Variants in SYF2 observed in about 807,000 individuals in gnomAD.
SYF2 encodes pre-mRNA-splicing factor SYF2.
Under a neutral mutation model 32.7 loss-of-function variants are expected in SYF2, and 21 were observed. The ratio of observed to expected loss-of-function variants is 0.64; its 90% CI spans 0.45 to 0.92. The LOEUF (loss-of-function observed/expected upper bound fraction) is 0.92. Ranked by LOEUF, SYF2 falls within the 40% of genes least tolerant of loss-of-function variation. SYF2 has a pLI of 0.00. For missense variants in SYF2, 278 were observed against 296.5 expected (o/e 0.94, Z 0.46); for synonymous variants, 114 against 103.9 (o/e 1.10, Z -0.59).
In SYF2 at chr1:25,223,255, T is replaced by G. The variant is rs200205670; in HGVS notation, c.*11A>C. On this transcript the variant is annotated 3_prime_UTR_variant, in exon 7 of 7. Transcript: ENST00000236273. ...CCATTCTCAAGCTTCTATAAACAGT[T>G]CTTGAAGGGATTAGACAGCTGTTCC... The G allele has an allele frequency of 1.1e-5, 17 of 1,607,532 alleles. No individual in the cohort carries two copies. The African/African-American group carries it at 2.1e-4, about 20-fold the overall frequency.
In SYF2 at chr1:25,222,719, G is replaced by C. The variant is rs546934162; in HGVS notation, c.*547C>G. On this transcript the variant is annotated 3_prime_UTR_variant, in exon 7 of 7. Coordinates refer to ENST00000236273, the MANE Select transcript of SYF2 (RefSeq NM_015484.5). ...CCAAGCATTTATTGCTTTTTAAAAA[G>C]GGAACTGTACATGATCAGATCATGG... The C allele has an allele frequency of 1.1e-4, 17 of 152,258 alleles. No homozygotes were observed. The highest frequency in any genetic ancestry group is 1.1e-3 in the Admixed American group (17 of 15,284). 9.4% of individuals were successfully genotyped at this position (152,258 alleles called of 1,614,324 possible). A position where few individuals can be genotyped will look rare whatever the true frequency, so the allele number is the denominator to read the frequency against.
At position 25,229,034 on chromosome 1, in the gene SYF2, A is replaced by G; in HGVS notation, c.222T>C (p.Arg74=). The change falls in exon 3 of 7, where the codon CGT becomes CGC. Residue 74 remains arginine, a synonymous_variant. Transcript: ENST00000236273. ...CCTCTTCCTTTAGTTCCCACTCCAA[A>G]CGAGCTTTTTTGGCTTCCCAATTTG... The part of the protein sequence containing the change: ...LPANWEAKKA[R]LEWELKEEEK... 1 of 1,613,954 alleles carries G rather than the reference A, an allele frequency of 6.2e-7. No individual in the cohort carries two copies. Among genetic ancestry groups the G allele is most frequent in the Non-Finnish European group, 8.5e-7 (1 of 1,179,984 alleles).
chr1:25,229,224 C>T, intron 2 of SYF2, 101 bp from the exon 3 acceptor site: 1 of 1,385,062 alleles, frequency 7.2e-7, no homozygotes, highest in South Asian at 1.4e-5. Flanking sequence ...TATTAATAAG[C>T]TGACCCCATT....
chr1:25,231,351 A>G (rs752140336), intron 2 of SYF2: 6 of 152,234 alleles, frequency 3.9e-5, no homozygotes, highest in Non-Finnish European at 8.8e-5. Flanking sequence ...TCTCTGCTCC[A>G]ACTGCAGCAA....
Position 25,225,015 on chromosome 1 carries a change from C to T in SYF2, c.553G>A (p.Asp185Asn). 1 of 1,613,158 alleles carries T rather than the reference C, an allele frequency of 6.2e-7. No individual in the cohort carries two copies. Among genetic ancestry groups the T allele is most frequent in the Non-Finnish European group, 8.5e-7 (1 of 1,179,160 alleles). Residue 185 changes from aspartate (D) to asparagine (N), a missense_variant, in exon 6 of 7, where the codon GAT (aspartate) becomes AAT (asparagine). By Grantham distance (23) the Asp-to-Asn change is conservative. Coordinates refer to ENST00000236273, the MANE Select transcript of SYF2 (RefSeq NM_015484.5). ...CTGAATACTTACTGTTTTTCCAGAT[C>T]TATGACCATCCTGTCAATTTCCTCT... ...STEEIDRMVI[D>N]LEKQIEKRDK...
Position 25,231,924 on chromosome 1 carries a change from T to C in SYF2, c.132+180A>G, listed in dbSNP as rs541496711. 473 of 695,504 alleles carry C rather than the reference T, an allele frequency of 6.8e-4. 1 individual carries two copies. Among genetic ancestry groups the C allele is most frequent in the Non-Finnish European group, 1.1e-3 (421 of 382,312 alleles). The allele number at this position is 695,504 out of a possible 1,614,324, so 43.1% of individuals were successfully genotyped here. On this transcript the variant is annotated intron_variant, in intron 2 of 6. Coordinates refer to ENST00000236273, the MANE Select transcript of SYF2 (RefSeq NM_015484.5). ...TGGAGTGAACAGTTATATTTTCAAA[T>C]GTTCTCAGAATGATCCCAATGTGCT...
Position 25,229,074 on chromosome 1 carries a change from C to G in SYF2, c.182G>C (p.Arg61Thr), listed in dbSNP as rs773553511. Residue 61 changes from arginine to threonine, a missense_variant, in exon 3 of 7, where the codon AGA (arginine) becomes ACA (threonine). Transcript: ENST00000236273. The part of the protein sequence containing the change: ...NHQEVVEEDK[R>T]LKLPANWEAK... ...TTCCCAATTTGCAGGTAATTTTAGT[C>G]TTTTATCTTCTTCCACAACTTCCTG... 4 of 1,613,954 alleles carry G rather than the reference C, an allele frequency of 2.5e-6. No homozygotes were observed. In the South Asian group the frequency reaches 4.4e-5, roughly 18 times the overall value.
intron 2 of SYF2, chr1:25,231,895 G>T (rs890371313): frequency 1.4e-4 from 90 of 639,022 alleles, no homozygotes; most frequent in South Asian, 6.8e-4. Flanking sequence ...GGTGGGAGAG[G>T]GGCTGGAGTG....
In SYF2 at chr1:25,228,591, T is replaced by C. The variant is rs149978559; in HGVS notation, c.259-356A>G. On this transcript the variant is annotated intron_variant, in intron 3 of 6. Transcript: ENST00000236273. The stretch of plus-strand genomic sequence containing the variant: ...CTCAAATGATCTGCCAGCCTCGGCC[T>C]CCCAAAAGTGCTGGGATTACAGGCA... Among the ~76,000 whole-genome samples, 1,221 of 152,250 alleles carry C rather than the reference T, an allele frequency of 8.0e-3. 5 individuals carry two copies. Among genetic ancestry groups the C allele is most frequent in the Non-Finnish European group, 0.012 (811 of 68,002 alleles).
intron 6 of SYF2, among the ~76,000 whole-genome samples, chr1:25,224,134 T>C (rs1638461121): frequency 6.6e-6 from 1 of 151,752 alleles, no homozygotes; most frequent in Non-Finnish European, 1.5e-5. Context: ...GTGGAGGTTG[T>C]GGTGAGCCAA....
chr1:25,227,542 T>C lies in SYF2; in HGVS notation c.377-10A>G. On this transcript the variant is annotated splice_polypyrimidine_tract_variant and intron_variant, in intron 4 of 6. Transcript: ENST00000236273. ...TGGGCAGCAGCATAATCTAAAAATATAAAATGAGAATCAGCGATAATATAT... is the reference window on the plus strand; with the variant it reads ...TGGGCAGCAGCATAATCTAAAAATACAAAATGAGAATCAGCGATAATATAT... 1 of 1,609,640 alleles carries C rather than the reference T, an allele frequency of 6.2e-7. No homozygotes were observed. Among genetic ancestry groups the C allele is most frequent in the African/African-American group, 1.3e-5 (1 of 74,896 alleles).
At chr1:25,229,892 T>C (rs1638593981) in intron 2 of SYF2, among the ~76,000 whole-genome samples, 1 of 152,074 alleles carries the variant, frequency 6.6e-6, no homozygotes, top group Non-Finnish European at 1.5e-5. Flanking sequence ...TCTCAGCTCA[T>C]TTCAACTTTC....
At chr1:25,229,607 T>A (rs921045678) in intron 2 of SYF2, among the ~76,000 whole-genome samples, 3 of 152,006 alleles carry the variant, frequency 2.0e-5, no homozygotes, top group Non-Finnish European at 2.9e-5. Context: ...AAACCCCGTC[T>A]CTACTAAAAA....
At position 25,228,208 on chromosome 1, in the gene SYF2, CAT is replaced by C. The variant is rs746392137; in HGVS notation, c.284_285del (p.Tyr95Ter). On this transcript the variant is annotated frameshift_variant, in exon 4 of 7. Transcript: ENST00000236273. LOFTEE classifies it high-confidence loss of function. ...CTGATCTCCAGCAACTTCACTTTCT[CAT>C]AGTCTTCTCCTCTTGCCGCACATTC... ...KKECAARGED[Y>X]EKVKLLEISA... is the part of the protein sequence containing the mutation. 2 of 1,613,454 alleles carry C rather than the reference CAT, an allele frequency of 1.2e-6. No individual in the cohort carries two copies. The highest frequency in any genetic ancestry group is 1.1e-5 in the South Asian group (1 of 91,074).
At chr1:25,226,846 T>G (rs1373292499) in intron 5 of SYF2, among the ~76,000 whole-genome samples, 1 of 151,980 alleles carries the variant, frequency 6.6e-6, no homozygotes, top group African/African-American at 2.4e-5. Context: ...CCAGGAATCG[T>G]GGCACATGTC....
Position 25,232,216 on chromosome 1 carries a change from G to A in SYF2, c.25-5C>T. ...CTCCGCGCTGTCCACCAGCACCTGC[G>A]ACAAGGAGAACTGGCTTCAGGCAGA... On this transcript the variant is annotated splice_region_variant and splice_polypyrimidine_tract_variant and intron_variant, in intron 1 of 6. Coordinates refer to ENST00000236273, the MANE Select transcript of SYF2 (RefSeq NM_015484.5). 1 of 1,612,578 alleles carries A rather than the reference G, an allele frequency of 6.2e-7. No individual in the cohort carries two copies. The highest frequency in any genetic ancestry group is 8.5e-7 in the Non-Finnish European group (1 of 1,179,674).
intron 5 of SYF2, among the ~76,000 whole-genome samples, chr1:25,226,907 C>G (rs1469432418): frequency 6.6e-6 from 1 of 151,130 alleles, no homozygotes; most frequent in East Asian, 1.9e-4. Flanking sequence ...CTTGAGGCCA[C>G]AAGTTTGAGG....
At chr1:25,224,410 C>T (rs1286973348) in intron 6 of SYF2, among the ~76,000 whole-genome samples, 2 of 152,124 alleles carry the variant, frequency 1.3e-5, no homozygotes, top group Non-Finnish European at 2.9e-5. Flanking sequence ...CACGTACCAC[C>T]ATGCCCAGCT....
At chr1:25,225,177 A>G in intron 5 of SYF2, 77 bp from the exon 6 acceptor site, 2 of 943,540 alleles carry the variant, frequency 2.1e-6, no homozygotes, top group Admixed American at 1.8e-5. Flanking sequence ...AGTACCATAC[A>G]TGATAAGAAA....
Sources: gnomAD v4.1 joint callset for allele counts (sites outside exome capture counted in the v4.1 genomes callset) on GRCh38, gnomAD v4.1.1 for gene constraint, MANE v1.5 for transcripts, NCBI Gene and HGNC (gene_info 2026-07-23, HGNC 2026-07-21) for gene names.